Variants in NTM observed in about 807,000 individuals in gnomAD.
The protein encoded by NTM is neurotrimin.
Under a neutral mutation model 42.1 loss-of-function variants are expected in NTM, and 13 were observed. That is an observed-to-expected ratio of 0.31 (90% CI 0.20 to 0.49). The LOEUF (loss-of-function observed/expected upper bound fraction) is 0.49, where lower values mean the gene tolerates loss of function less well. Ranked by LOEUF, NTM falls within the 20% of genes least tolerant of loss-of-function variation. The probability of loss-of-function intolerance (pLI) is 0.99; values close to 1 mark genes in which losing one functional copy is unlikely to be tolerated. For synonymous variants in NTM, 187 were observed against 179.2 expected (o/e 1.04, Z -0.35); for missense variants, 373 against 452.8 (o/e 0.82, Z 1.60).
chr11:131,880,954 A>G (rs1177604559), intron 1 of NTM, among the ~76,000 whole-genome samples: 11 of 152,208 alleles, frequency 7.2e-5, no homozygotes, highest in Admixed American at 7.2e-4. Context: ...AAAAGATATT[A>G]GCCACCACTG....
intron 1 of NTM, among the ~76,000 whole-genome samples, chr11:131,526,475 G>A (rs2050501128): frequency 6.6e-6 from 1 of 152,202 alleles, no homozygotes. Flanking sequence ...AAAGGAAGAG[G>A]AAAAGGAGTA....
At chr11:132,120,108 A>G (rs1002484497) in intron 2 of NTM, among the ~76,000 whole-genome samples, 1 of 141,714 alleles carries the variant, frequency 7.1e-6, no homozygotes, top group African/African-American at 2.7e-5. Flanking sequence ...GCTTGGTTCT[A>G]CAGCTCGGCT....
At position 132,074,577 on chromosome 11, in the gene NTM, G is replaced by T. The variant is rs113286692; in HGVS notation, c.168-71705G>T. 2.3e-3 allele frequency among the ~76,000 whole-genome samples: 354 copies of T among 152,014 alleles called. 1 individual carries two copies. The highest frequency in any genetic ancestry group is 8.0e-3 in the African/African-American group (332 of 41,484). Reference sequence around the variant, plus strand: ...AGGATTAAGAGAAATAGAAAAATGGGCACCATGTTCAACATACATACAGAT... The same window carrying T: ...AGGATTAAGAGAAATAGAAAAATGGTCACCATGTTCAACATACATACAGAT... On this transcript the variant is annotated intron_variant, in intron 2 of 8. Coordinates refer to ENST00000683400, the MANE Select transcript of NTM (RefSeq NM_001352005.2).
At chr11:131,738,421 T>C (rs1415181885) in intron 1 of NTM, among the ~76,000 whole-genome samples, 2 of 152,214 alleles carry the variant, frequency 1.3e-5, no homozygotes, top group Non-Finnish European at 2.9e-5. Context: ...CCAGCAGAAA[T>C]CTGTGTTCAC....
intron 2 of NTM, among the ~76,000 whole-genome samples, chr11:132,071,653 C>T (rs547855686): frequency 2.0e-5 from 3 of 152,262 alleles, no homozygotes; most frequent in South Asian, 2.1e-4. Flanking sequence ...GAGATCTCCT[C>T]AGCTGGGGCT....
chr11:131,576,302 T>C (rs945495329), intron 1 of NTM, among the ~76,000 whole-genome samples: 6 of 152,192 alleles, frequency 3.9e-5, no homozygotes, highest in Admixed American at 1.3e-4. Flanking sequence ...GATGTGGATA[T>C]TTGAGGGCTC....
At chr11:132,249,477 A>G (rs2091670602) in intron 4 of NTM, among the ~76,000 whole-genome samples, 1 of 152,194 alleles carries the variant, frequency 6.6e-6, no homozygotes, top group Admixed American at 6.5e-5. Context: ...AATCCTGGCT[A>G]CGTGGGTTGT....
intron 1 of NTM, among the ~76,000 whole-genome samples, chr11:131,550,030 A>C (rs78543640): frequency 2.0e-5 from 3 of 152,200 alleles, no homozygotes; most frequent in Non-Finnish European, 4.4e-5. Context: ...CAGGGGAGGC[A>C]TGAGGCTCTG....
chr11:132,160,761 T>C (rs1421519338), intron 3 of NTM, among the ~76,000 whole-genome samples: 1 of 152,074 alleles, frequency 6.6e-6, no homozygotes, highest in African/African-American at 2.4e-5. Context: ...GAGGATTAGC[T>C]GGGTAGCATC....
chr11:132,325,361 T>C (rs2095657082), intron 7 of NTM, among the ~76,000 whole-genome samples: 1 of 152,126 alleles, frequency 6.6e-6, no homozygotes, highest in Non-Finnish European at 1.5e-5. Context: ...GCAAAGGACA[T>C]GAACAGACAC....
intron 1 of NTM, among the ~76,000 whole-genome samples, chr11:131,813,182 A>G (rs2092809623): frequency 6.6e-6 from 1 of 152,202 alleles, no homozygotes; most frequent in Non-Finnish European, 1.5e-5. Flanking sequence ...CTTACCAAAC[A>G]TCAATTTAGT....
Position 131,808,676 on chromosome 11 carries a change from G to A in NTM, c.83-102888G>A, listed in dbSNP as rs139565386. On this transcript the variant is annotated intron_variant, in intron 1 of 8. Coordinates refer to ENST00000683400, the MANE Select transcript of NTM (RefSeq NM_001352005.2). ...TCTCAGGGTGAGTCACATCACATGG[G>A]TTGTAGGGAGAGGAGTGCTCCTAGC... Among the ~76,000 whole-genome samples, 5 of 152,328 alleles carry A rather than the reference G, an allele frequency of 3.3e-5. No individual in the cohort carries two copies. In the East Asian group the frequency reaches 7.7e-4, roughly 24 times the overall value.
chr11:132,330,025 A>T, intron 7 of NTM, 128 bp from the exon 8 acceptor site: 1 of 1,443,756 alleles, frequency 6.9e-7, no homozygotes, highest in Non-Finnish European at 9.3e-7. Context: ...AGCAAGGGAC[A>T]TGGGCAAGAG....
intron 3 of NTM, among the ~76,000 whole-genome samples, chr11:132,158,690 GTGTT>G (rs1414675043): frequency 1.3e-5 from 2 of 152,212 alleles, no homozygotes; most frequent in African/African-American, 4.8e-5. Context: ...TATTTTCTCA[GTGTT>G]TGCTCTCTCT....
intron 2 of NTM, among the ~76,000 whole-genome samples, chr11:132,014,523 T>C (rs28883353): frequency 6.6e-6 from 1 of 152,012 alleles, no homozygotes; most frequent in African/African-American, 2.4e-5. Flanking sequence ...TATGTAAGAG[T>C]TGCCTTTTCT....
chr11:131,743,568 C>A (rs1018913583), intron 1 of NTM, among the ~76,000 whole-genome samples: 3 of 152,098 alleles, frequency 2.0e-5, no homozygotes, highest in African/African-American at 7.2e-5. Flanking sequence ...AATTTAATTG[C>A]CATATGTGGA....
At chr11:131,530,620 G>A (rs56720769) in intron 1 of NTM, among the ~76,000 whole-genome samples, 2,298 of 152,164 alleles carry the variant, frequency 0.015, 59 homozygotes, top group African/African-American at 0.05. Context: ...ATGCCAAGGC[G>A]CCAGAGGTCC....
At chr11:131,548,245 G>T (rs893179087) in intron 1 of NTM, among the ~76,000 whole-genome samples, 2 of 151,768 alleles carry the variant, frequency 1.3e-5, no homozygotes, top group Non-Finnish European at 2.9e-5. Flanking sequence ...TTTCCCTTTG[G>T]CCACAAGCAT....
intron 2 of NTM, among the ~76,000 whole-genome samples, chr11:132,086,580 G>A (rs550468038): frequency 2.0e-5 from 3 of 152,228 alleles, no homozygotes; most frequent in South Asian, 2.1e-4. Context: ...TTTACCAAAC[G>A]TGACCTCACA....
Sources: allele counts gnomAD v4.1 joint callset (sites outside exome capture counted in the v4.1 genomes callset), GRCh38; gene constraint gnomAD v4.1.1; transcripts MANE v1.5; gene names NCBI Gene and HGNC (gene_info 2026-07-23, HGNC 2026-07-21).